The following RPS6KC1 variants were observed in gnomAD, a reference collection of about 807,000 sequenced individuals.
RPS6KC1 encodes the protein ribosomal protein S6 kinase C1.
In RPS6KC1, 54 loss-of-function variants were observed where a neutral mutation model predicts 103.8. The ratio of observed to expected loss-of-function variants is 0.52; its 90% confidence interval spans 0.42 to 0.65. The LOEUF (loss-of-function observed/expected upper bound fraction) is 0.65. Ranked by LOEUF, RPS6KC1 falls within the 30% of genes least tolerant of loss-of-function variation. The pLI is 0.00. For missense variants in RPS6KC1, 1,151 were observed against 1,253.8 expected (o/e 0.92, Z 1.24); for synonymous variants, 439 against 438.7 (o/e 1.00, Z -0.01).
At chr1:213,157,886 T>G (rs937581784) in intron 6 of RPS6KC1, among the ~76,000 whole-genome samples, 7 of 152,258 alleles carry the variant, frequency 4.6e-5, no homozygotes, top group African/African-American at 1.2e-4. Flanking sequence ...TATAGTTTCC[T>G]GATTAATATA....
At chr1:213,592,646 AT>A in the RPS6KC1 span, among the ~76,000 whole-genome samples, 3 of 152,224 alleles carry the variant, frequency 2.0e-5, no homozygotes, top group Admixed American at 2.0e-4. Flanking sequence ...GAATTGTGAT[AT>A]TAATTTAATG....
chr1:213,810,447 A>G, the RPS6KC1 span, among the ~76,000 whole-genome samples: 1 of 152,218 alleles, frequency 6.6e-6, no homozygotes, highest in Non-Finnish European at 1.5e-5. Flanking sequence ...GGGTTAAGAC[A>G]TAGAGCTTGG....
At chr1:213,290,830 T>A in the RPS6KC1 span, among the ~76,000 whole-genome samples, 1 of 152,078 alleles carries the variant, frequency 6.6e-6, no homozygotes, top group Admixed American at 6.5e-5. Context: ...CCACTTCTCA[T>A]TCACTTAAAC....
the RPS6KC1 span, among the ~76,000 whole-genome samples, chr1:213,782,356 G>C: frequency 6.6e-6 from 1 of 152,110 alleles, no homozygotes; most frequent in African/African-American, 2.4e-5. Context: ...GGAAATGAAG[G>C]AGAGTCCACA....
At chr1:213,174,742 C>G (rs1032432186) in intron 7 of RPS6KC1, among the ~76,000 whole-genome samples, 6 of 148,858 alleles carry the variant, frequency 4.0e-5, no homozygotes, top group African/African-American at 1.5e-4. Context: ...ACTAAAATAT[C>G]TTGCTAAATG....
intron 3 of RPS6KC1, among the ~76,000 whole-genome samples, chr1:213,094,093 C>T (rs116831273): frequency 5.3e-5 from 8 of 151,590 alleles, no homozygotes; most frequent in African/African-American, 1.9e-4. Flanking sequence ...GCTCCCCCCC[C>T]CCACCAAGAG....
chr1:213,635,093 A>G, the RPS6KC1 span, among the ~76,000 whole-genome samples: 1 of 152,240 alleles, frequency 6.6e-6, no homozygotes, highest in Non-Finnish European at 1.5e-5. Context: ...ATCTCTGAAT[A>G]GACCAATAAC....
At chr1:213,078,158 CTT>C (rs2079518594) in intron 3 of RPS6KC1, among the ~76,000 whole-genome samples, 1 of 148,728 alleles carries the variant, frequency 6.7e-6, no homozygotes, top group Non-Finnish European at 1.5e-5. Flanking sequence ...TTCCCTGACA[CTT>C]TGCTTATAGT....
At chr1:213,064,112 A>C (rs533711833) in intron 1 of RPS6KC1, among the ~76,000 whole-genome samples, 9 of 152,228 alleles carry the variant, frequency 5.9e-5, no homozygotes, top group Admixed American at 1.3e-4. Flanking sequence ...GCTGGAGTGC[A>C]ATGGCGTGAT....
intron 1 of RPS6KC1, among the ~76,000 whole-genome samples, chr1:213,064,886 A>T (rs1473383846): frequency 6.8e-6 from 1 of 146,006 alleles, no homozygotes; most frequent in African/African-American, 2.6e-5. Context: ...CGTGTTAGCC[A>T]GGATGGTCTT....
chr1:213,627,636 C>T, the RPS6KC1 span, among the ~76,000 whole-genome samples: 2 of 152,088 alleles, frequency 1.3e-5, no homozygotes, highest in South Asian at 4.1e-4. Flanking sequence ...GCATGAAGGG[C>T]TGTTGAATTT....
chr1:213,368,525 G>A, the RPS6KC1 span, among the ~76,000 whole-genome samples: 1 of 152,182 alleles, frequency 6.6e-6, no homozygotes, highest in African/African-American at 2.4e-5. Context: ...GGGAGGAGAT[G>A]GGAAGGCAGA....
At chr1:213,061,829 A>G (rs184718080) in intron 1 of RPS6KC1, among the ~76,000 whole-genome samples, 156 of 152,264 alleles carry the variant, frequency 1.0e-3, no homozygotes, top group African/African-American at 2.6e-3. Context: ...AAGAGTGGAC[A>G]TGTTTTCCAT....
chr1:213,508,232 G>C, the RPS6KC1 span, among the ~76,000 whole-genome samples: 1 of 152,162 alleles, frequency 6.6e-6, no homozygotes, highest in Non-Finnish European at 1.5e-5. Flanking sequence ...TAATATAATA[G>C]ATATGCTGAG....
rs544520264 is a variant in RPS6KC1 at position 213,221,451 on chromosome 1, G to A, written c.1045-9046G>A. Reference sequence around the variant, plus strand: ...CTTGGGGCTTTGATGCATATGTTCTGAAGGTGGCCACAGTGACTTTGGGTA... The same window carrying A: ...CTTGGGGCTTTGATGCATATGTTCTAAAGGTGGCCACAGTGACTTTGGGTA... On this transcript the variant is annotated intron_variant, in intron 8 of 14. Transcript: ENST00000366960. 1.4e-4 allele frequency among the ~76,000 whole-genome samples: 22 copies of A among 152,214 alleles called. No homozygotes were observed. In the East Asian group the frequency reaches 4.2e-3, roughly 29 times the overall value.
intron 1 of RPS6KC1, among the ~76,000 whole-genome samples, chr1:213,057,379 C>A (rs967997968): frequency 7.2e-5 from 11 of 152,132 alleles, no homozygotes; most frequent in African/African-American, 2.7e-4. Flanking sequence ...ATGAAATTGA[C>A]TTATTCTTTT....
chr1:213,646,985 C>T, the RPS6KC1 span, among the ~76,000 whole-genome samples: 1 of 152,080 alleles, frequency 6.6e-6, no homozygotes, highest in Admixed American at 6.5e-5. Flanking sequence ...GCAACCTCCA[C>T]CTCCCAGGTT....
the RPS6KC1 span, among the ~76,000 whole-genome samples, chr1:213,590,263 G>T: frequency 6.6e-6 from 1 of 152,136 alleles, no homozygotes; most frequent in Non-Finnish European, 1.5e-5. Context: ...CCAAGGAAAG[G>T]TGACTAAAAG....
At chr1:213,725,054 T>C in the RPS6KC1 span, among the ~76,000 whole-genome samples, 14 of 152,266 alleles carry the variant, frequency 9.2e-5, no homozygotes, top group African/African-American at 3.4e-4. Flanking sequence ...TCATTGACTT[T>C]CTAACACTTT....
Sources: gnomAD v4.1 joint callset for allele counts (sites outside exome capture counted in the v4.1 genomes callset) on GRCh38, gnomAD v4.1.1 for gene constraint, MANE v1.5 for transcripts, NCBI Gene and HGNC (gene_info 2026-07-23, HGNC 2026-07-21) for gene names.